Variants in TUBB8 observed in about 807,000 individuals in gnomAD.
TUBB8 encodes the protein tubulin beta 8 class VIII.
Under a neutral mutation model 33.7 loss-of-function variants are expected in TUBB8, and 25 were observed. The observed-to-expected ratio is 0.74, with a 90% confidence interval of 0.54 to 1.04. The LOEUF (loss-of-function observed/expected upper bound fraction) is 1.04, where lower values mean the gene tolerates loss of function less well. Among genes scored for constraint, TUBB8 ranks in the 50% least tolerant of loss-of-function variants. The probability of loss-of-function intolerance (pLI) is 0.00; values close to 1 mark genes in which losing one functional copy is unlikely to be tolerated. For missense variants in TUBB8, 279 were observed against 608.0 expected, an observed-to-expected ratio of 0.46 and a Z score of 5.69; for synonymous variants, 245 against 240.1, an observed-to-expected ratio of 1.02 and a Z score of -0.19.
upstream of TUBB8, among the ~76,000 whole-genome samples, chr10:76,606 C>T (rs1422337979): frequency 1.4e-5 from 2 of 147,428 alleles, no homozygotes; most frequent in Admixed American, 1.4e-4. Flanking sequence ...CGCCCCACGC[C>T]GCCGCCGTGC....
At chr10:61,706 T>C (rs528526811) in intron 1 of TUBB8, among the ~76,000 whole-genome samples, 2 of 152,370 alleles carry the variant, frequency 1.3e-5, no homozygotes, top group African/African-American at 4.8e-5. Context: ...TGTCGAAGTG[T>C]TCAGCCATTA....
chr10:55,146 C>T (rs1834513835), intron 1 of TUBB8, among the ~76,000 whole-genome samples: 1 of 152,150 alleles, frequency 6.6e-6, no homozygotes, highest in Non-Finnish European at 1.5e-5. Flanking sequence ...TCATGGCGGA[C>T]GAGGAAGCAG....
chr10:64,975 TAAAAAAAAAA>T, intron 1 of TUBB8, among the ~76,000 whole-genome samples: 1 of 118,536 alleles, frequency 8.4e-6, no homozygotes, highest in South Asian at 3.0e-4. Context: ...CCATCTCCAC[TAAAAAAAAAA>T]AAAAAAAAAA....
At chr10:75,691 G>A (rs1303028607), upstream of TUBB8, among the ~76,000 whole-genome samples, 1 of 151,156 alleles carries the variant, frequency 6.6e-6, no homozygotes, top group Non-Finnish European at 1.5e-5. Flanking sequence ...AAGATGGCCG[G>A]TAGACAAAAC....
intron 3 of TUBB8, chr10:48,408 C>T: frequency 3.1e-6 from 2 of 649,778 alleles, no homozygotes; most frequent in Non-Finnish European, 5.5e-6. Context: ...AGGGAGTTTA[C>T]ATCAGTAACT....
At chr10:70,610 C>T (rs1554742194) in intron 1 of TUBB8, among the ~76,000 whole-genome samples, 2 of 151,982 alleles carry the variant, frequency 1.3e-5, no homozygotes, top group African/African-American at 4.8e-5. Flanking sequence ...GAGGCCGAGG[C>T]GGGCGGATCA....
upstream of TUBB8, among the ~76,000 whole-genome samples, chr10:76,196 C>T (rs1834812233): frequency 1.3e-5 from 2 of 151,708 alleles, no homozygotes; most frequent in Admixed American, 1.3e-4. Flanking sequence ...GTTTCCTCGG[C>T]CTCAGGCTGT....
intron 1 of TUBB8, 25 bp downstream of exon 1, chr10:49,157 G>C (rs565148518): frequency 6.4e-7 from 1 of 1,559,706 alleles, no homozygotes; most frequent in East Asian, 2.4e-5. Context: ...GCCCGGGCTA[G>C]GCCCTCAGAG....
Position 47,765 on chromosome 10 carries a change from G to A in TUBB8, c.627C>T (p.Asp209=), listed in dbSNP as rs782159263. The A allele has an allele frequency of 2.9e-5, 47 of 1,613,850 alleles. No homozygotes were observed. In the South Asian group the frequency reaches 3.2e-4, roughly 11 times the overall value. ...GCAGTTTTAGGGTCTTGGAACATAT[G>A]TCATACAGAGCTTCGTTATCTATGC... ...TFCIDNEALY[D]ICSKTLKLPT... The change falls in exon 4 of 4, where the codon GAC becomes GAT. Residue 209 remains aspartate (D), a synonymous_variant. Coordinates refer to ENST00000568584, the MANE Select transcript of TUBB8 (RefSeq NM_177987.3).
In TUBB8 at chr10:47,458, T is replaced by G. The variant is rs1554738095; in HGVS notation, c.934A>C (p.Thr312Pro). The change falls in exon 4 of 4, where the codon ACG becomes CCG. Residue 312 changes from threonine (T) to proline (P), a missense_variant. By Grantham distance (38) the Thr-to-Pro change is conservative (BLOSUM62 -1). This residue lies in a region of TUBB8 where 123 missense variants were observed against 228.9 expected (regional missense o/e 0.54). Coordinates refer to ENST00000568584, the MANE Select transcript of TUBB8 (RefSeq NM_177987.3). ...CGACCCCTGAAAATGGCAGCCGCCG[T>G]TAGGTAGCGGCCGTGACGGGGGTCA... ...ACDPRHGRYL[T>P]AAAIFRGRMP... is the part of the protein sequence containing the mutation. 6.2e-7 allele frequency: 1 copy of G among 1,612,284 alleles called. No homozygotes were observed.
chr10:61,080 T>TG (rs1834596139), intron 1 of TUBB8, among the ~76,000 whole-genome samples: 1 of 65,858 alleles, frequency 1.5e-5, no homozygotes, highest in Non-Finnish European at 2.8e-5. Context: ...TGTTGTGGGG[T>TG]GGGGGGAGGG....
intron 3 of TUBB8, chr10:48,382 C>A: frequency 1.6e-6 from 1 of 635,850 alleles, no homozygotes; most frequent in Non-Finnish European, 2.8e-6. Flanking sequence ...GCCACGGCCC[C>A]AGCTCAGGTT....
intron 1 of TUBB8, among the ~76,000 whole-genome samples, chr10:61,050 G>C (rs1458830880): frequency 5.3e-5 from 7 of 132,170 alleles, no homozygotes; most frequent in Non-Finnish European, 9.2e-5. Flanking sequence ...CCAGGAAGGG[G>C]AACATCACAC....
At chr10:51,280 T>C (rs1305009087), upstream of TUBB8, among the ~76,000 whole-genome samples, 1 of 152,208 alleles carries the variant, frequency 6.6e-6, no homozygotes, top group Non-Finnish European at 1.5e-5. Context: ...GTCTAATTTT[T>C]CTACTTTTAG....
intron 1 of TUBB8, among the ~76,000 whole-genome samples, chr10:67,359 T>C (rs1389580978): frequency 1.3e-5 from 2 of 152,248 alleles, no homozygotes; most frequent in Non-Finnish European, 2.9e-5. Context: ...TTTAAATTTA[T>C]GTAAGCTTTC....
At chr10:48,511 A>C (rs1166488796) in intron 3 of TUBB8, 104 bp downstream of exon 3, 1 of 1,132,366 alleles carries the variant, frequency 8.8e-7, no homozygotes, top group African/African-American at 1.5e-5. Flanking sequence ...GAGGGTGTTC[A>C]GGGGCCCTAG....
upstream of TUBB8, among the ~76,000 whole-genome samples, chr10:51,518 C>G (rs1564207043): frequency 6.6e-6 from 1 of 152,224 alleles, no homozygotes; most frequent in East Asian, 1.9e-4. Flanking sequence ...AACTGTGAGT[C>G]AATTAAACCT....
At chr10:64,978 A>T (rs1387197748) in intron 1 of TUBB8, among the ~76,000 whole-genome samples, 3,147 of 12,306 alleles carry the variant, frequency 0.26, 39 homozygotes, top group Non-Finnish European at 0.37. Flanking sequence ...TCTCCACTAA[A>T]AAAAAAAAAA....
upstream of TUBB8, among the ~76,000 whole-genome samples, chr10:74,788 G>A (rs1251181794): frequency 1.3e-5 from 2 of 152,060 alleles, no homozygotes; most frequent in East Asian, 1.9e-4. Context: ...TACTGTGGGA[G>A]GCTGAGGTGT....
Sources: gnomAD v4.1 joint callset for allele counts (sites outside exome capture counted in the v4.1 genomes callset) on GRCh38, gnomAD v4.1.1 for gene constraint, gnomAD v4.1.1 regional missense constraint, MANE v1.5 for transcripts, NCBI Gene and HGNC (gene_info 2026-07-23, HGNC 2026-07-21) for gene names.